The following PRKCE variants were observed in gnomAD, a reference collection of about 807,000 sequenced individuals.
PRKCE encodes protein kinase C epsilon type.
In PRKCE, 16 loss-of-function variants were observed where a neutral mutation model predicts 85.4. The ratio of observed to expected loss-of-function variants is 0.19; its 90% confidence interval spans 0.13 to 0.28. The LOEUF (loss-of-function observed/expected upper bound fraction) is 0.28, where lower values mean the gene tolerates loss of function less well. PRKCE is among the 10% of genes least tolerant of loss of function. The pLI, the probability that PRKCE is intolerant of heterozygous loss-of-function variation, is 1.00. For missense variants in PRKCE, 573 were observed against 975.2 expected, an observed-to-expected ratio of 0.59 and a Z score of 5.49; for synonymous variants, 388 against 371.5, an observed-to-expected ratio of 1.04 and a Z score of -0.51.
At chr2:45,759,228 CAAAT>C (rs1397941951) in intron 1 of PRKCE, among the ~76,000 whole-genome samples, 1 of 152,086 alleles carries the variant, frequency 6.6e-6, no homozygotes, top group Non-Finnish European at 1.5e-5. Flanking sequence ...AAATAAGTGA[CAAAT>C]AAGTGGTATG....
rs995174823 is a variant in PRKCE at position 45,712,230 on chromosome 2, C to G, written c.348+59782C>G. 7.5e-5 allele frequency among the ~76,000 whole-genome samples: 11 copies of G among 146,980 alleles called. No homozygotes were observed. The East Asian group carries it at 1.3e-3, about 17-fold the overall frequency. ...TGGTGCAATCTCGGCTTACTGCAAC[C>G]TCCACCTCCCAGGTTCAAGAGATTC... is the stretch of plus-strand genomic sequence containing the variant. On this transcript the variant is annotated intron_variant, in intron 1 of 14. Transcript: ENST00000306156.
intron 1 of PRKCE, among the ~76,000 whole-genome samples, chr2:45,812,963 A>G (rs115928395): frequency 0.017 from 2,625 of 152,340 alleles, 88 homozygotes; most frequent in African/African-American, 0.061. Context: ...GAAGTACCTT[A>G]AAGTTTTTAG....
intron 1 of PRKCE, among the ~76,000 whole-genome samples, chr2:45,760,569 A>T (rs1314868207): frequency 6.6e-6 from 1 of 152,248 alleles, no homozygotes; most frequent in East Asian, 1.9e-4. Context: ...GCGTGACACG[A>T]TGAAGGTAAT....
In PRKCE at chr2:45,955,102, T is replaced by C. The variant is rs73926122; in HGVS notation, c.413-21327T>C. ...GCACTCCATCAAGTACTCCATCAAG[T>C]ATATAATTAAATGTTTAATGGATGA... On this transcript the variant is annotated intron_variant, in intron 2 of 14. Transcript: ENST00000306156. Among the ~76,000 whole-genome samples the C allele has an allele frequency of 4.8e-3, 726 of 152,084 alleles. 6 individuals are homozygous for C. Among genetic ancestry groups the C allele is most frequent in the African/African-American group, 0.016 (684 of 41,490 alleles).
chr2:45,900,657 T>C (rs931959385), intron 2 of PRKCE, among the ~76,000 whole-genome samples: 16 of 152,182 alleles, frequency 1.1e-4, no homozygotes, highest in Non-Finnish European at 1.2e-4. Context: ...AGATTTTCAG[T>C]TTGGGAAGAT....
chr2:45,684,507 AC>A (rs1442034649), intron 1 of PRKCE, among the ~76,000 whole-genome samples: 1 of 152,230 alleles, frequency 6.6e-6, no homozygotes, highest in Non-Finnish European at 1.5e-5. Flanking sequence ...AATAGCACTT[AC>A]CCTCACTACA....
intron 11 of PRKCE, among the ~76,000 whole-genome samples, chr2:46,092,932 C>A (rs985084637): frequency 5.3e-5 from 8 of 152,050 alleles, no homozygotes; most frequent in African/African-American, 1.9e-4. Context: ...TAGTCTCATC[C>A]TCTTTTAATA....
chr2:45,844,714 G>C (rs536480791), intron 2 of PRKCE, among the ~76,000 whole-genome samples: 1 of 152,162 alleles, frequency 6.6e-6, no homozygotes, highest in African/African-American at 2.4e-5. Flanking sequence ...TGTATTTCCT[G>C]TGCCAAGATG....
At chr2:46,022,677 T>C (rs945708345) in intron 10 of PRKCE, among the ~76,000 whole-genome samples, 2 of 152,274 alleles carry the variant, frequency 1.3e-5, no homozygotes, top group African/African-American at 4.8e-5. Flanking sequence ...CTAATGCTCC[T>C]ACATCAGAAA....
At chr2:45,660,588 G>A (rs979229364) in intron 1 of PRKCE, among the ~76,000 whole-genome samples, 6 of 152,164 alleles carry the variant, frequency 3.9e-5, no homozygotes, top group Non-Finnish European at 2.9e-5. Flanking sequence ...TTCAAATTCC[G>A]GCGCCTGAAC....
Position 45,651,941 on chromosome 2 carries a change from G to T in PRKCE, c.-160G>T, listed in dbSNP as rs537845343. The T allele has an allele frequency of 1.2e-5, 7 of 575,492 alleles. No homozygotes were observed. Among genetic ancestry groups the T allele is most frequent in the African/African-American group, 3.7e-5 (2 of 53,458 alleles). The allele number at this position is 575,492 out of a possible 1,614,324, so 35.6% of individuals were successfully genotyped here. A position where few individuals can be genotyped will look rare whatever the true frequency, so the allele number is the denominator to read the frequency against. ...GAAATACATGCACTGGCTGAGAATC[G>T]CCCGCGCCAGGGCGCAACGCCACAA... On this transcript the variant is annotated 5_prime_UTR_variant, in exon 1 of 15. Transcript: ENST00000306156.
intron 2 of PRKCE, among the ~76,000 whole-genome samples, chr2:45,973,181 T>G (rs1702217563): frequency 6.6e-6 from 1 of 152,206 alleles, no homozygotes; most frequent in African/African-American, 2.4e-5. Context: ...GGTGGTGGAC[T>G]CCAGGCCCCA....
intron 14 of PRKCE, among the ~76,000 whole-genome samples, chr2:46,175,295 A>C (rs377249147): frequency 1.3e-5 from 2 of 152,216 alleles, no homozygotes; most frequent in Non-Finnish European, 2.9e-5. Flanking sequence ...AGATAAATGC[A>C]CACAGGTGGC....
chr2:46,106,148 A>T (rs1671694474), intron 11 of PRKCE, among the ~76,000 whole-genome samples: 1 of 152,204 alleles, frequency 6.6e-6, no homozygotes, highest in Non-Finnish European at 1.5e-5. Flanking sequence ...AAAAAAATCC[A>T]TGTATTAGTG....
intron 2 of PRKCE, among the ~76,000 whole-genome samples, chr2:45,967,553 T>G (rs1701815474): frequency 6.6e-6 from 1 of 152,182 alleles, no homozygotes; most frequent in East Asian, 1.9e-4. Context: ...ATAGTCAAGG[T>G]CAGGACTATG....
chr2:45,971,521 G>A (rs1368636123), intron 2 of PRKCE, among the ~76,000 whole-genome samples: 1 of 152,138 alleles, frequency 6.6e-6, no homozygotes, highest in Non-Finnish European at 1.5e-5. Flanking sequence ...AGTATCAAGT[G>A]GTTCTCTCTG....
At chr2:45,899,544 G>T (rs1160959792) in intron 2 of PRKCE, among the ~76,000 whole-genome samples, 1 of 151,976 alleles carries the variant, frequency 6.6e-6, no homozygotes, top group Non-Finnish European at 1.5e-5. Context: ...ACCATGTCTG[G>T]CTAATTTTTG....
chr2:45,821,671 G>T (rs1381200114), intron 1 of PRKCE, among the ~76,000 whole-genome samples: 1 of 152,176 alleles, frequency 6.6e-6, no homozygotes, highest in Non-Finnish European at 1.5e-5. Context: ...GGGGAGCCCG[G>T]CCTGAGCATT....
intron 1 of PRKCE, among the ~76,000 whole-genome samples, chr2:45,761,756 C>T (rs757440103): frequency 1.1e-4 from 17 of 152,132 alleles, no homozygotes; most frequent in Non-Finnish European, 1.9e-4. Context: ...TAAGCACTTC[C>T]CTATCTGATT....
Sources: allele counts gnomAD v4.1 joint callset (sites outside exome capture counted in the v4.1 genomes callset), GRCh38; gene constraint gnomAD v4.1.1; transcripts MANE v1.5; gene names NCBI Gene and HGNC (gene_info 2026-07-23, HGNC 2026-07-21).